Variants in IRAG2 observed in about 807,000 individuals in gnomAD.
The protein encoded by IRAG2 is inositol 1,4,5-triphosphate receptor associated 2.
A neutral mutation model predicts 69.9 loss-of-function variants in IRAG2; 45 were observed. The ratio of observed to expected loss-of-function variants is 0.64; its 90% CI spans 0.51 to 0.83. IRAG2 has a LOEUF of 0.83. IRAG2 is among the 40% of genes least tolerant of loss of function. IRAG2 has a pLI of 0.00. For missense variants in IRAG2, 520 were observed against 587.0 expected, an observed-to-expected ratio of 0.89 and a Z score of 1.18; for synonymous variants, 193 against 202.4, an observed-to-expected ratio of 0.95 and a Z score of 0.40.
At chr12:25,052,463 G>A (rs968878714), upstream of IRAG2, 1 of 396,386 alleles carries the variant, frequency 2.5e-6, no homozygotes, top group Admixed American at 4.4e-5. Flanking sequence ...AAAAAGCAAA[G>A]AGGAACTGCA....
At chr12:25,052,518 G>A (rs190594410), upstream of IRAG2, 1 of 396,946 alleles carries the variant, frequency 2.5e-6, no homozygotes, top group Admixed American at 4.4e-5. Context: ...AAGTAAAGGG[G>A]GAGTTGTAAG....
chr12:25,103,837 C>A lies in IRAG2; in HGVS notation c.934C>A (p.Pro312Thr). 1 of 1,608,754 alleles carries A rather than the reference C, an allele frequency of 6.2e-7. No individual in the cohort carries two copies. The highest frequency in any genetic ancestry group is 2.2e-5 in the East Asian group (1 of 44,772). The change falls in exon 18 of 22, where the codon CCA becomes ACA. Residue 312 changes from proline (P) to threonine (T), a missense_variant and splice_region_variant. Coordinates refer to ENST00000556887, the MANE Select transcript of IRAG2 (RefSeq NM_001366544.2). ...KKRSASLNSK[P>T]SSLRRVTIAS... is the part of the protein sequence containing the mutation. ...ATGTACATTTTCCTCCTTCTGGTAG[C>A]CATCTTCTCTACGAAGAGTGACTAT...
intron 6 of IRAG2, among the ~76,000 whole-genome samples, chr12:25,070,671 C>T (rs961418631): frequency 6.6e-6 from 1 of 152,282 alleles, no homozygotes; most frequent in African/African-American, 2.4e-5. Flanking sequence ...AGAGTTACTG[C>T]ATCATATGGT....
chr12:25,044,014 G>C (rs1944771486), intron 16 of IRAG2, among the ~76,000 whole-genome samples: 1 of 152,120 alleles, frequency 6.6e-6, no homozygotes, highest in South Asian at 2.1e-4. Flanking sequence ...CTGTAACACT[G>C]TAATGGTTGT....
chr12:25,060,852 G>A (rs1945585658), intron 1 of IRAG2, among the ~76,000 whole-genome samples: 1 of 150,740 alleles, frequency 6.6e-6, no homozygotes, highest in African/African-American at 2.4e-5. Context: ...TTTTTTAGTA[G>A]AGATGGGGTT....
At chr12:25,094,744 A>T (rs1028237221) in intron 14 of IRAG2, among the ~76,000 whole-genome samples, 1 of 151,114 alleles carries the variant, frequency 6.6e-6, no homozygotes, top group African/African-American at 2.4e-5. Flanking sequence ...GTCTTCTTTA[A>T]TTTTTTTCAG....
intron 9 of IRAG2, among the ~76,000 whole-genome samples, chr12:25,028,515 G>A (rs1191717174): frequency 2.0e-5 from 3 of 151,974 alleles, no homozygotes; most frequent in South Asian, 2.1e-4. Flanking sequence ...TAAAAATGAG[G>A]AGAGATGGGA....
At chr12:25,023,169 C>T (rs1170388061) in intron 7 of IRAG2, among the ~76,000 whole-genome samples, 1 of 149,898 alleles carries the variant, frequency 6.7e-6, no homozygotes, top group Non-Finnish European at 1.5e-5. Context: ...CAGAATTGAA[C>T]TCAGGTATTC....
intron 3 of IRAG2, among the ~76,000 whole-genome samples, chr12:25,013,385 G>T (rs1472134904): frequency 1.3e-5 from 2 of 152,180 alleles, no homozygotes; most frequent in South Asian, 4.2e-4. Context: ...GGCTGAAGCA[G>T]GAGGATTGCT....
intron 13 of IRAG2, among the ~76,000 whole-genome samples, chr12:25,034,229 G>C (rs922547076): frequency 7.2e-5 from 11 of 152,188 alleles, no homozygotes; most frequent in Non-Finnish European, 1.5e-4. Context: ...CAGACTACCT[G>C]CCCTGATTCC....
At position 25,022,234 on chromosome 12, in the gene IRAG2, A is replaced by C. The variant is rs1175172080; in HGVS notation, c.1332+1327A>C. ...TAAATTGCTATTGATTAAAGTGCAG[A>C]ATTTTGGCCTGCACTTTGGGAGGCT... On this transcript the variant is annotated intron_variant, in intron 7 of 38. Coordinates refer to the IRAG2 transcript ENST00000636465. Among the ~76,000 whole-genome samples the C allele has an allele frequency of 3.3e-5, 5 of 152,150 alleles. No homozygotes were observed. In the East Asian group the frequency reaches 9.6e-4, roughly 29 times the overall value.
intron 2 of IRAG2, 107 bp from the exon 3 acceptor site, chr12:25,062,713 A>G: frequency 2.5e-6 from 1 of 396,490 alleles, no homozygotes; most frequent in Non-Finnish European, 4.4e-6. Flanking sequence ...TGTCAATTTC[A>G]CCCACTTTGG....
rs535187240 is a variant in IRAG2 at position 25,011,259 on chromosome 12, G to C, written c.689-85G>C. 6.2e-5 allele frequency: 59 copies of C among 957,192 alleles called. No homozygotes were observed. In the African/African-American group the frequency reaches 8.6e-4, roughly 14 times the overall value. The allele number at this position is 957,192 out of a possible 1,614,324, so 59.3% of individuals were successfully genotyped here. A position where few individuals can be genotyped will look rare whatever the true frequency, so the allele number is the denominator to read the frequency against. On this transcript the variant is annotated intron_variant, in intron 2 of 38. Coordinates refer to the IRAG2 transcript ENST00000636465. ...CATGCCAGCTCCGCAGGACTGCCAG[G>C]GTTATATATCATGTTTCTAGGATCA...
In IRAG2 at chr12:25,047,057, A is replaced by G. The variant is rs77407572; in HGVS notation, c.2145-5178A>G. Among the ~76,000 whole-genome samples, 383 of 152,306 alleles carry G rather than the reference A, an allele frequency of 2.5e-3. 1 individual carries two copies. The highest frequency in any genetic ancestry group is 8.9e-3 in the African/African-American group (369 of 41,568). ...TGGTCAATTGATCTTCAACATAGAT[A>G]CTAAGAATATGTAATAGGGAAAGGA... is the stretch of plus-strand genomic sequence containing the variant. On this transcript the variant is annotated intron_variant, in intron 16 of 38. Coordinates refer to the IRAG2 transcript ENST00000636465.
chr12:24,999,383 G>A (rs1944374545), upstream of IRAG2, among the ~76,000 whole-genome samples: 1 of 152,204 alleles, frequency 6.6e-6, no homozygotes, highest in African/African-American at 2.4e-5. Flanking sequence ...CGGGCAGATG[G>A]TTGAAAAGTG....
intron 6 of IRAG2, among the ~76,000 whole-genome samples, chr12:25,077,471 A>G (rs1176560563): frequency 2.0e-5 from 3 of 148,820 alleles, no homozygotes; most frequent in Non-Finnish European, 4.4e-5. Context: ...ATTTTAAAAT[A>G]GGGCCATTAT....
At chr12:25,029,179 T>C (rs1209546033) in intron 9 of IRAG2, among the ~76,000 whole-genome samples, 1 of 152,130 alleles carries the variant, frequency 6.6e-6, no homozygotes, top group Non-Finnish European at 1.5e-5. Context: ...GTGATCCTCC[T>C]ACTTTGGCCT....
At chr12:25,024,138 T>C (rs900302632) in intron 8 of IRAG2, among the ~76,000 whole-genome samples, 8 of 152,172 alleles carry the variant, frequency 5.3e-5, no homozygotes, top group African/African-American at 1.9e-4. Context: ...AGAAATGGGA[T>C]TTAAGAAATT....
intron 20 of IRAG2, among the ~76,000 whole-genome samples, chr12:25,106,626 G>A (rs1310112358): frequency 1.7e-5 from 2 of 119,628 alleles, no homozygotes; most frequent in African/African-American, 3.0e-5. Flanking sequence ...ACTTCTGAAA[G>A]TTCTTTTTAA....
Sources: allele counts gnomAD v4.1 joint callset (sites outside exome capture counted in the v4.1 genomes callset), GRCh38; gene constraint gnomAD v4.1.1; transcripts MANE v1.5; gene names NCBI Gene and HGNC (gene_info 2026-07-23, HGNC 2026-07-21).